Variants in JHY observed in about 807,000 individuals in gnomAD.
JHY encodes the protein junctional cadherin complex regulator, also known as jhy protein homolog.
JHY carries 69 observed loss-of-function variants against 78.0 expected under a neutral mutation model. The ratio of observed to expected loss-of-function variants is 0.88; its 90% CI spans 0.73 to 1.08. JHY has a LOEUF of 1.08. Among genes scored for constraint, JHY ranks in the 50% least tolerant of loss-of-function variants. JHY has a pLI of 0.00. For missense variants in JHY, 944 were observed against 927.8 expected (o/e 1.02, Z -0.23); for synonymous variants, 368 against 342.6 (o/e 1.07, Z -0.82).
At chr11:122,946,890 T>G in intron 6 of JHY, 98 bp downstream of exon 6, 1 of 1,414,488 alleles carries the variant, frequency 7.1e-7, no homozygotes, top group East Asian at 2.3e-5. Flanking sequence ...TGGTCATTAC[T>G]GAGTTGCTGC....
intron 2 of JHY, among the ~76,000 whole-genome samples, chr11:122,901,424 C>A (rs1261935103): frequency 6.6e-6 from 1 of 150,740 alleles, no homozygotes. Flanking sequence ...AATAAATTGA[C>A]CTTAGCTACT....
At chr11:122,902,069 T>G (rs1410429841) in intron 2 of JHY, among the ~76,000 whole-genome samples, 1 of 146,814 alleles carries the variant, frequency 6.8e-6, no homozygotes, top group Non-Finnish European at 1.5e-5. Context: ...CAAGGCCTTC[T>G]TCTGGAATCC....
intron 5 of JHY, among the ~76,000 whole-genome samples, chr11:122,942,332 T>C (rs1024540771): frequency 1.3e-4 from 20 of 152,174 alleles, no homozygotes; most frequent in African/African-American, 4.8e-4. Flanking sequence ...TGTTTTGGTT[T>C]TGTTTTCTCT....
intron 4 of JHY, among the ~76,000 whole-genome samples, chr11:122,933,121 A>G (rs1863671057): frequency 6.6e-6 from 1 of 152,252 alleles, no homozygotes; most frequent in South Asian, 2.1e-4. Flanking sequence ...TTAATATTAT[A>G]CAGGAATAGG....
chr11:122,897,573 G>A (rs1259789375), intron 2 of JHY, among the ~76,000 whole-genome samples: 2 of 152,184 alleles, frequency 1.3e-5, no homozygotes, highest in Non-Finnish European at 2.9e-5. Context: ...GGAAACTGAA[G>A]CACAGAAGTT....
chr11:122,956,672 T>C, intron 7 of JHY, 96 bp downstream of exon 7: 1 of 960,266 alleles, frequency 1.0e-6, no homozygotes, highest in African/African-American at 1.6e-5. Flanking sequence ...TAAACCCTAA[T>C]TCAAATGTCT....
chr11:122,950,125 C>T (rs1337997166), intron 6 of JHY, among the ~76,000 whole-genome samples: 6 of 152,260 alleles, frequency 3.9e-5, no homozygotes, highest in Non-Finnish European at 5.9e-5. Flanking sequence ...TGAGCCACTG[C>T]GCCCAGCTAC....
In JHY at chr11:122,934,932, T is replaced by C. The variant is rs142275817; in HGVS notation, c.1491T>C (p.Asn497=). 1.2e-6 allele frequency: 2 copies of C among 1,614,184 alleles called. No homozygotes were observed. Among genetic ancestry groups the C allele is most frequent in the Non-Finnish European group, 1.7e-6 (2 of 1,180,046 alleles). Residue 497 remains asparagine (N), a synonymous_variant, in exon 5 of 9, where the codon AAT becomes AAC. Coordinates refer to ENST00000227349, the MANE Select transcript of JHY (RefSeq NM_024806.4). ...TLSDMDLNNL[N]ELSKRHVLLS... ...CTGACATGGATTTGAACAACCTTAA[T>C]GAACTTTCTAAGAGACACGTGCTCC...
Position 122,888,322 on chromosome 11 carries a change from C to T in JHY, c.344+2129C>T, listed in dbSNP as rs376805093. Among the ~76,000 whole-genome samples the T allele has an allele frequency of 7.9e-5, 12 of 152,300 alleles. No homozygotes were observed. The South Asian group carries it at 1.2e-3, about 16-fold the overall frequency. On this transcript the variant is annotated intron_variant, in intron 2 of 8. Transcript: ENST00000227349. ...TGCATTTTGAATTAGAGACTAAACACACAATGGGCAAAGAGACTGCTGGAT... is the reference window on the plus strand; with the variant it reads ...TGCATTTTGAATTAGAGACTAAACATACAATGGGCAAAGAGACTGCTGGAT...
In JHY at chr11:122,946,649, A is replaced by G; in HGVS notation, c.1786A>G (p.Ile596Val). Residue 596 changes from isoleucine to valine, a missense_variant, in exon 6 of 9, where the codon ATA becomes GTA. Coordinates refer to ENST00000227349, the MANE Select transcript of JHY (RefSeq NM_024806.4). Reference protein sequence around the residue: ...GALSSVTLPPILSRVESESQL... With the variant: ...GALSSVTLPPVLSRVESESQL... ...CTTATCCAGCGTCACGCTTCCACCT[A>G]TACTGTCAAGGGTAGAAAGTGAATC... 4 of 1,614,164 alleles carry G rather than the reference A, an allele frequency of 2.5e-6. No individual in the cohort carries two copies. Among genetic ancestry groups the G allele is most frequent in the Admixed American group, 3.3e-5 (2 of 60,026 alleles).
intron 5 of JHY, among the ~76,000 whole-genome samples, chr11:122,945,600 C>A (rs942772042): frequency 6.6e-6 from 1 of 152,110 alleles, no homozygotes. Context: ...CCACCTTTTC[C>A]GTGGAAACCT....
intron 5 of JHY, among the ~76,000 whole-genome samples, chr11:122,937,681 C>T (rs988502110): frequency 5.9e-5 from 9 of 152,078 alleles, no homozygotes; most frequent in African/African-American, 2.2e-4. Context: ...TGTTGTTGTG[C>T]TCATATTATC....
intron 3 of JHY, among the ~76,000 whole-genome samples, chr11:122,906,715 G>A (rs889174587): frequency 1.3e-5 from 2 of 151,944 alleles, no homozygotes; most frequent in Admixed American, 6.6e-5. Flanking sequence ...TTTATTAATC[G>A]CTATTTTTGT....
At chr11:122,937,973 T>G (rs1434366740) in intron 5 of JHY, among the ~76,000 whole-genome samples, 1 of 152,170 alleles carries the variant, frequency 6.6e-6, no homozygotes, top group African/African-American at 2.4e-5. Context: ...TTGAGAAATC[T>G]GAAGCCACCT....
chr11:122,955,070 T>C (rs375254281), intron 6 of JHY, among the ~76,000 whole-genome samples: 2 of 152,198 alleles, frequency 1.3e-5, no homozygotes, highest in East Asian at 1.9e-4. Flanking sequence ...TTAAAAAGGA[T>C]GTGAGTTCCC....
intron 5 of JHY, among the ~76,000 whole-genome samples, chr11:122,943,952 T>C (rs1863919121): frequency 6.6e-6 from 1 of 152,176 alleles, no homozygotes; most frequent in Non-Finnish European, 1.5e-5. Flanking sequence ...ACACCTGTAA[T>C]AACAGCACTT....
chr11:122,889,465 A>G (rs1403024222), intron 2 of JHY, among the ~76,000 whole-genome samples: 1 of 152,224 alleles, frequency 6.6e-6, no homozygotes, highest in Non-Finnish European at 1.5e-5. Flanking sequence ...ACAACTATTT[A>G]CATGGTATTT....
rs979262760 is a variant in JHY at position 122,882,934 on chromosome 11, G to T, written c.-128G>T. On this transcript the variant is annotated 5_prime_UTR_variant, in exon 1 of 9. Coordinates refer to ENST00000227349, the MANE Select transcript of JHY (RefSeq NM_024806.4). Reference sequence around the variant, plus strand: ...GCGGCGGCGGCGCGGGAGGATGCGGGGCCCGTCCGGGTCGCGGCCGCGGAG... The same window carrying T: ...GCGGCGGCGGCGCGGGAGGATGCGGTGCCCGTCCGGGTCGCGGCCGCGGAG... 7 of 151,754 alleles carry T rather than the reference G, an allele frequency of 4.6e-5. No homozygotes were observed. Among genetic ancestry groups the T allele is most frequent in the African/African-American group, 1.7e-4 (7 of 41,260 alleles). 9.4% of individuals were successfully genotyped at this position (151,754 alleles called of 1,614,324 possible).
chr11:122,891,184 C>T (rs1287426875), intron 2 of JHY, among the ~76,000 whole-genome samples: 1 of 152,156 alleles, frequency 6.6e-6, no homozygotes, highest in African/African-American at 2.4e-5. Context: ...TCAAAGCTTG[C>T]CTTAAAACCA....
Sources: allele counts gnomAD v4.1 joint callset (sites outside exome capture counted in the v4.1 genomes callset), GRCh38; gene constraint gnomAD v4.1.1; transcripts MANE v1.5; gene names NCBI Gene and HGNC (gene_info 2026-07-23, HGNC 2026-07-21).